The following MYO3A variants were observed in gnomAD, a reference collection of about 807,000 sequenced individuals.
The protein encoded by MYO3A is myosin-IIIa.
In MYO3A, 180 loss-of-function variants were observed where a neutral mutation model predicts 192.7. That is an observed-to-expected ratio of 0.93 (90% CI 0.83 to 1.06). The LOEUF is 1.06. Among genes scored for constraint, MYO3A ranks in the 50% least tolerant of loss-of-function variants. The pLI is 0.00. For synonymous variants in MYO3A, 628 were observed against 645.3 expected, an observed-to-expected ratio of 0.97 and a Z score of 0.41; for missense variants, 1,896 against 1,905.0, an observed-to-expected ratio of 1.00 and a Z score of 0.09.
intron 4 of MYO3A, among the ~76,000 whole-genome samples, chr10:25,956,453 AAG>A (rs1347013198): frequency 1.3e-5 from 2 of 151,144 alleles, no homozygotes; most frequent in African/African-American, 4.9e-5. Context: ...TCAGCCTCAC[AAG>A]TAGCTGGGAT....
chr10:25,957,578 A>C (rs1333273276), intron 4 of MYO3A, among the ~76,000 whole-genome samples: 1 of 152,126 alleles, frequency 6.6e-6, no homozygotes, highest in Non-Finnish European at 1.5e-5. Flanking sequence ...GTGGTAGAAC[A>C]ATTTCTATTC....
intron 22 of MYO3A, among the ~76,000 whole-genome samples, 199 bp downstream of exon 22, chr10:26,145,733 G>C (rs1464047758): frequency 1.3e-5 from 2 of 152,148 alleles, no homozygotes; most frequent in Non-Finnish European, 2.9e-5. Flanking sequence ...CACTATGGAG[G>C]CCAGACCCAC....
At chr10:25,964,755 C>G (rs1838158243) in intron 4 of MYO3A, among the ~76,000 whole-genome samples, 1 of 152,160 alleles carries the variant, frequency 6.6e-6, no homozygotes, top group South Asian at 2.1e-4. Flanking sequence ...CTGAAGAACT[C>G]CCTTTAGCAT....
At chr10:26,203,720 T>C (rs181140425) in intron 34 of MYO3A, among the ~76,000 whole-genome samples, 153 of 152,280 alleles carry the variant, frequency 1.0e-3, no homozygotes, top group African/African-American at 3.5e-3. Context: ...ACATGACATA[T>C]GAAAAATGGG....
At chr10:26,054,973 G>A (rs556219336) in intron 10 of MYO3A, among the ~76,000 whole-genome samples, 153 of 152,328 alleles carry the variant, frequency 1.0e-3, no homozygotes, top group African/African-American at 3.6e-3. Context: ...TAATACATAG[G>A]TCTACTTCCT....
At chr10:26,116,485 T>C (rs1233937720) in intron 17 of MYO3A, among the ~76,000 whole-genome samples, 1 of 152,194 alleles carries the variant, frequency 6.6e-6, no homozygotes, top group East Asian at 1.9e-4. Flanking sequence ...AATGAGCCTA[T>C]TTCCAAATAA....
intron 10 of MYO3A, among the ~76,000 whole-genome samples, chr10:26,036,348 A>G (rs537867664): frequency 1.8e-4 from 28 of 152,304 alleles, no homozygotes; most frequent in African/African-American, 6.3e-4. Flanking sequence ...TAATTTAGGA[A>G]CTAGGTTTAA....
At chr10:26,194,934 C>T (rs1286354564) in intron 32 of MYO3A, among the ~76,000 whole-genome samples, 1 of 152,184 alleles carries the variant, frequency 6.6e-6, no homozygotes, top group Non-Finnish European at 1.5e-5. Context: ...CATACATGGG[C>T]GCACACACTC....
chr10:26,124,801 T>TAAAAC, intron 18 of MYO3A, among the ~76,000 whole-genome samples: 1 of 152,326 alleles, frequency 6.6e-6, no homozygotes, highest in Admixed American at 6.5e-5. Flanking sequence ...CAAATAAATG[T>TAAAAC]TTGTTCAAAC....
intron 2 of MYO3A, among the ~76,000 whole-genome samples, chr10:25,947,058 G>A (rs1325573525): frequency 6.6e-6 from 1 of 151,474 alleles, no homozygotes; most frequent in East Asian, 1.9e-4. Flanking sequence ...TGTATATATT[G>A]GTCTTGTTGG....
intron 26 of MYO3A, among the ~76,000 whole-genome samples, chr10:26,160,175 A>C (rs1388928263): frequency 6.6e-6 from 1 of 152,180 alleles, no homozygotes; most frequent in Non-Finnish European, 1.5e-5. Flanking sequence ...TTTAATGTAT[A>C]AGGCACCATG....
chr10:26,205,690 C>T (rs548831705), intron 34 of MYO3A, among the ~76,000 whole-genome samples: 4 of 142,670 alleles, frequency 2.8e-5, no homozygotes, highest in Non-Finnish European at 4.5e-5. Flanking sequence ...GATCTCGGCT[C>T]ACTGCAAGCT....
intron 6 of MYO3A, among the ~76,000 whole-genome samples, chr10:26,012,818 A>G (rs747463799): frequency 8.6e-5 from 13 of 152,038 alleles, no homozygotes; most frequent in Admixed American, 2.0e-4. Context: ...AATACAAAAA[A>G]ACTGAACAAA....
At chr10:25,985,739 A>G (rs1839614387) in intron 4 of MYO3A, among the ~76,000 whole-genome samples, 1 of 152,242 alleles carries the variant, frequency 6.6e-6, no homozygotes, top group African/African-American at 2.4e-5. Context: ...GATCAGACAG[A>G]TTCACAGCTG....
intron 6 of MYO3A, among the ~76,000 whole-genome samples, chr10:26,005,368 A>G (rs1199881386): frequency 6.6e-6 from 1 of 152,208 alleles, no homozygotes; most frequent in African/African-American, 2.4e-5. Flanking sequence ...ACTCCTCCAG[A>G]TTGAAGGAGA....
At chr10:26,010,418 T>C (rs1437227588) in intron 6 of MYO3A, among the ~76,000 whole-genome samples, 1 of 151,724 alleles carries the variant, frequency 6.6e-6, no homozygotes. Flanking sequence ...GATGTGAAAG[T>C]ATATAGCATC....
chr10:26,061,689 C>G (rs1428058131), intron 10 of MYO3A, among the ~76,000 whole-genome samples: 1 of 152,134 alleles, frequency 6.6e-6, no homozygotes, highest in Non-Finnish European at 1.5e-5. Flanking sequence ...ATGACCAAAT[C>G]TTTTCTAAGT....
chr10:26,173,973 A>C lies in MYO3A; in HGVS notation c.3709A>C (p.Ile1237Leu). Reference sequence around the variant, plus strand: ...GAAAGTGGAGAAAGAGGAAGCTATGATCCAGAGTTACTATCAGAGGTACAC... The same window carrying C: ...GAAAGTGGAGAAAGAGGAAGCTATGCTCCAGAGTTACTATCAGAGGTACAC... ...LRKVEKEEAM[I>L]QSYYQRYTEE... Residue 1237 changes from isoleucine to leucine, a missense_variant, in exon 30 of 35, where the codon ATC (isoleucine) becomes CTC (leucine). Ile to Leu is a conservative substitution (Grantham distance 5). Transcript: ENST00000642920. 1 of 1,608,398 alleles carries C rather than the reference A, an allele frequency of 6.2e-7. No individual in the cohort carries two copies. The highest frequency in any genetic ancestry group is 8.5e-7 in the Non-Finnish European group (1 of 1,178,260).
intron 20 of MYO3A, among the ~76,000 whole-genome samples, chr10:26,139,224 A>C (rs1241786757): frequency 6.6e-6 from 1 of 152,112 alleles, no homozygotes; most frequent in Non-Finnish European, 1.5e-5. Flanking sequence ...TTCCCCCATC[A>C]AAAATAGATT....
Sources: gnomAD v4.1 joint callset for allele counts (sites outside exome capture counted in the v4.1 genomes callset) on GRCh38, gnomAD v4.1.1 for gene constraint, MANE v1.5 for transcripts, NCBI Gene and HGNC (gene_info 2026-07-23, HGNC 2026-07-21) for gene names.